MBOAT1: variants seen among roughly 807,000 people sequenced by gnomAD.
MBOAT1 encodes membrane bound glycerophospholipid O-acyltransferase 1.
Under a neutral mutation model 64.4 loss-of-function variants are expected in MBOAT1, and 67 were observed. The observed-to-expected ratio is 1.04, with a 90% confidence interval of 0.85 to 1.27. The LOEUF is 1.27. MBOAT1 is among the 50% of genes most tolerant of loss of function. The probability of loss-of-function intolerance (pLI) is 0.00; values close to 1 mark genes in which losing one functional copy is unlikely to be tolerated. For missense variants in MBOAT1, 563 were observed against 604.6 expected (o/e 0.93, Z 0.72); for synonymous variants, 229 against 218.9 (o/e 1.05, Z -0.41).
In MBOAT1 at chr6:20,123,771, T is replaced by C. The variant is rs151149883; in HGVS notation, c.907+637A>G. On this transcript the variant is annotated intron_variant, in intron 8 of 12. Coordinates refer to ENST00000324607, the MANE Select transcript of MBOAT1 (RefSeq NM_001080480.3). ...CCAGAAAAACTACAAAAAAGCCAGA[T>C]CAAGGCTGGGCGTGGTGGCTCACAC... is the stretch of plus-strand genomic sequence containing the variant. 5.5e-3 allele frequency among the ~76,000 whole-genome samples: 835 copies of C among 152,214 alleles called. 14 individuals are homozygous for C. The highest frequency in any genetic ancestry group is 0.042 in the South Asian group (205 of 4,826).
rs754770359 is a variant in MBOAT1, at chr6:20,128,699, T to C, written c.530A>G (p.Lys177Arg). Residue 177 changes from lysine (K) to arginine (R), a missense_variant and splice_region_variant, in exon 6 of 13, where the codon AAA becomes AGA. Lys to Arg is a conservative substitution (Grantham distance 26, BLOSUM62 2). Coordinates refer to ENST00000324607, the MANE Select transcript of MBOAT1 (RefSeq NM_001080480.3). ...TAATATATCGTTACACTTCACTTAC[T>C]TGATAGCAAGTCGATGTTGTTCAGC... Reference protein sequence around the residue: ...LSAEQHRLAIKVKPSFLEYLS... With the variant: ...LSAEQHRLAIRVKPSFLEYLS... The C allele has an allele frequency of 3.7e-6, 6 of 1,608,962 alleles. No individual in the cohort carries two copies. The African/African-American group carries it at 5.3e-5, about 14-fold the overall frequency.
In MBOAT1 at chr6:20,144,291, T is replaced by C; in HGVS notation, c.348A>G (p.Gly116=). 1 of 1,611,758 alleles carries C rather than the reference T, an allele frequency of 6.2e-7. No individual in the cohort carries two copies. The highest frequency in any genetic ancestry group is 8.5e-7 in the Non-Finnish European group (1 of 1,178,638). ...GGCTGATGTGGCATATTGTAAGATA[T>C]CCCATTGCTACAAAAAAGGAATATC... ...IHRYSFFVAM[G]YLTICHISRI... The change falls in exon 4 of 13, where the codon GGA becomes GGG. Residue 116 remains glycine (G), a synonymous_variant. Transcript: ENST00000324607.
intron 4 of MBOAT1, among the ~76,000 whole-genome samples, chr6:20,143,039 G>C (rs967495792): frequency 6.6e-6 from 1 of 152,094 alleles, no homozygotes; most frequent in African/African-American, 2.4e-5. Flanking sequence ...AGCCATGAGC[G>C]GTCACTCCCT....
At chr6:20,168,739 G>GAGGGAGGAAGGA (rs1762104988) in intron 1 of MBOAT1, among the ~76,000 whole-genome samples, 1 of 90,546 alleles carries the variant, frequency 1.1e-5, no homozygotes, top group African/African-American at 4.1e-5. Context: ...AAAAGGAAGG[G>GAGGGAGGAAGGA]AGGGAGGGAG....
At chr6:20,114,346 A>G (rs1415619342) in intron 10 of MBOAT1, among the ~76,000 whole-genome samples, 2 of 152,240 alleles carry the variant, frequency 1.3e-5, no homozygotes, top group African/African-American at 4.8e-5. Context: ...CAAGGACAGC[A>G]TATTATTATT....
intron 9 of MBOAT1, 108 bp downstream of exon 9, chr6:20,118,329 A>G: frequency 1.2e-6 from 1 of 846,850 alleles, no homozygotes; most frequent in South Asian, 1.5e-5. Flanking sequence ...ATTCCCTGAG[A>G]GCAGCTTTTC....
At chr6:20,191,544 G>C (rs1294311344) in intron 1 of MBOAT1, among the ~76,000 whole-genome samples, 2 of 152,120 alleles carry the variant, frequency 1.3e-5, no homozygotes, top group East Asian at 3.9e-4. Context: ...TTAACACCCA[G>C]CTTTAAGCCA....
Position 20,118,510 on chromosome 6 carries a change from C to A in MBOAT1, c.938G>T (p.Gly313Val), listed in dbSNP as rs775073292. ...CCCATTCTTATCCACTCCGCTGAAC[C>A]CAAAGCCAGCTGCGTTATTCACTGC... ...ADAVNNAAGF[G>V]FSGVDKNGNF... Residue 313 changes from glycine (G) to valine (V), a missense_variant, in exon 9 of 13, where the codon GGG becomes GTG. By Grantham distance (109) the Gly-to-Val change is moderately radical. Transcript: ENST00000324607. 8 of 1,613,862 alleles carry A rather than the reference C, an allele frequency of 5.0e-6. No homozygotes were observed. Among genetic ancestry groups the A allele is most frequent in the Non-Finnish European group, 6.8e-6 (8 of 1,180,018 alleles).
intron 1 of MBOAT1, among the ~76,000 whole-genome samples, chr6:20,158,523 C>A (rs915158595): frequency 6.6e-6 from 1 of 152,176 alleles, no homozygotes; most frequent in African/African-American, 2.4e-5. Context: ...GGGCAGTGAT[C>A]TCTTGGATTT....
At chr6:20,107,729 C>A (rs1008815974) in intron 12 of MBOAT1, among the ~76,000 whole-genome samples, 9 of 150,754 alleles carry the variant, frequency 6.0e-5, no homozygotes, top group Non-Finnish European at 2.9e-5. Context: ...ATAATATGAT[C>A]AATATATTCC....
chr6:20,182,084 G>A (rs147200401), intron 1 of MBOAT1, among the ~76,000 whole-genome samples: 7 of 152,180 alleles, frequency 4.6e-5, no homozygotes, highest in Non-Finnish European at 7.3e-5. Context: ...CCTATTTCCA[G>A]AGTTGTTAGG....
chr6:20,184,656 G>C (rs1408048707), intron 1 of MBOAT1, among the ~76,000 whole-genome samples: 2 of 152,006 alleles, frequency 1.3e-5, no homozygotes, highest in African/African-American at 4.8e-5. Flanking sequence ...CCCAGGCTGA[G>C]AGCCCTTTAG....
intron 12 of MBOAT1, among the ~76,000 whole-genome samples, chr6:20,104,512 A>G (rs997983824): frequency 1.7e-4 from 26 of 152,370 alleles, no homozygotes; most frequent in African/African-American, 6.3e-4. Context: ...TGCACAATGT[A>G]GATATCCAAT....
intron 3 of MBOAT1, among the ~76,000 whole-genome samples, chr6:20,149,732 GA>G (rs903218907): frequency 1.1e-4 from 16 of 151,962 alleles, no homozygotes; most frequent in Non-Finnish European, 1.9e-4. Context: ...TGTAAAAGCA[GA>G]AAAAAATATT....
At position 20,158,151 on chromosome 6, in the gene MBOAT1, G is replaced by C. The variant is rs1488399968; in HGVS notation, c.100-5382C>G. Among the ~76,000 whole-genome samples, 3 of 108,046 alleles carry C rather than the reference G, an allele frequency of 2.8e-5. No homozygotes were observed. The East Asian group carries it at 8.2e-4, about 30-fold the overall frequency. 70.9% of individuals were successfully genotyped at this position (108,046 alleles called of 152,430 possible). On this transcript the variant is annotated intron_variant, in intron 1 of 12. Transcript: ENST00000324607. Reference sequence around the variant, plus strand: ...AGCCTGGGTGACAGAGCAAGACTCTGACTCAAAAAAAAAAAGAAAAAAAAA... The same window carrying C: ...AGCCTGGGTGACAGAGCAAGACTCTCACTCAAAAAAAAAAAGAAAAAAAAA...
intron 1 of MBOAT1, among the ~76,000 whole-genome samples, chr6:20,180,448 C>G (rs1762476838): frequency 6.6e-6 from 1 of 152,174 alleles, no homozygotes; most frequent in African/African-American, 2.4e-5. Context: ...ATTGGCTCAC[C>G]CCTGCCATCT....
intron 9 of MBOAT1, among the ~76,000 whole-genome samples, chr6:20,117,177 T>C (rs944912497): frequency 6.6e-6 from 1 of 152,214 alleles, no homozygotes; most frequent in African/African-American, 2.4e-5. Flanking sequence ...GAACTGATGC[T>C]GGACCTTGCC....
At chr6:20,110,468 G>A (rs1207359070) in intron 11 of MBOAT1, among the ~76,000 whole-genome samples, 3 of 151,440 alleles carry the variant, frequency 2.0e-5, no homozygotes, top group Admixed American at 6.6e-5. Flanking sequence ...CTTCTGCCTC[G>A]GCCTCCCAAA....
At chr6:20,171,086 G>A (rs938851194) in intron 1 of MBOAT1, among the ~76,000 whole-genome samples, 3 of 152,098 alleles carry the variant, frequency 2.0e-5, no homozygotes, top group African/African-American at 7.2e-5. Context: ...ACTTCCTGCT[G>A]GCAAGGATTT....
Sources: allele counts gnomAD v4.1 joint callset (sites outside exome capture counted in the v4.1 genomes callset), GRCh38; gene constraint gnomAD v4.1.1; transcripts MANE v1.5; gene names NCBI Gene and HGNC (gene_info 2026-07-23, HGNC 2026-07-21).